The following MORC1 variants were observed in gnomAD, a reference collection of about 807,000 sequenced individuals.
MORC1 encodes the protein MORC family CW-type zinc finger 1.
In MORC1, 59 loss-of-function variants were observed where a neutral mutation model predicts 134.9. The ratio of observed to expected loss-of-function variants is 0.44; its 90% CI spans 0.35 to 0.54. The LOEUF is 0.54. MORC1 is among the 20% of genes least tolerant of loss of function. The probability of loss-of-function intolerance (pLI) is 0.00; values close to 1 mark genes in which losing one functional copy is unlikely to be tolerated. For synonymous variants in MORC1, 395 were observed against 391.7 expected, an observed-to-expected ratio of 1.01 and a Z score of -0.10; for missense variants, 947 against 1,134.5, an observed-to-expected ratio of 0.83 and a Z score of 2.37.
intron 17 of MORC1, among the ~76,000 whole-genome samples, chr3:109,024,065 A>G (rs1347349136): frequency 6.6e-6 from 1 of 152,204 alleles, no homozygotes; most frequent in Non-Finnish European, 1.5e-5. Context: ...TAGTCTATAA[A>G]ATGCACCACA....
intron 21 of MORC1, among the ~76,000 whole-genome samples, chr3:108,990,776 A>T (rs1382835063): frequency 1.5e-5 from 2 of 135,746 alleles, no homozygotes; most frequent in African/African-American, 3.4e-5. Flanking sequence ...AAAAGAAAGT[A>T]AAAAAAAATC....
intron 8 of MORC1, among the ~76,000 whole-genome samples, chr3:109,087,038 T>C (rs1394696420): frequency 6.6e-6 from 1 of 152,038 alleles, no homozygotes; most frequent in Non-Finnish European, 1.5e-5. Context: ...CACTTTTACA[T>C]TGCTTTACCT....
At chr3:109,004,012 G>A (rs905362496) in intron 20 of MORC1, among the ~76,000 whole-genome samples, 3 of 152,122 alleles carry the variant, frequency 2.0e-5, no homozygotes, top group Admixed American at 1.3e-4. Context: ...AGCTTGCAGT[G>A]AGCTGAGATC....
intron 26 of MORC1, among the ~76,000 whole-genome samples, chr3:108,964,749 C>A (rs185909671): frequency 6.6e-6 from 1 of 152,166 alleles, no homozygotes; most frequent in Non-Finnish European, 1.5e-5. Context: ...TGAGATAATA[C>A]AAATGTGCAC....
intron 24 of MORC1, among the ~76,000 whole-genome samples, chr3:108,979,126 G>T (rs948889570): frequency 1.3e-5 from 2 of 151,910 alleles, no homozygotes; most frequent in African/African-American, 4.8e-5. Context: ...AACAAAACAA[G>T]TAAAACTCAA....
At chr3:109,073,416 A>AGT (rs1559937046) in intron 8 of MORC1, among the ~76,000 whole-genome samples, 1 of 151,592 alleles carries the variant, frequency 6.6e-6, no homozygotes, top group Admixed American at 6.6e-5. Context: ...TGCCACTTTG[A>AGT]TTGGACACCA....
chr3:109,006,561 A>AGT (rs1248836496), intron 18 of MORC1, among the ~76,000 whole-genome samples: 5 of 152,210 alleles, frequency 3.3e-5, no homozygotes, highest in African/African-American at 4.8e-5. Flanking sequence ...TGTGACTGAT[A>AGT]TAACTGAGAA....
At chr3:109,009,246 A>G (rs1355519053) in intron 17 of MORC1, among the ~76,000 whole-genome samples, 1 of 131,298 alleles carries the variant, frequency 7.6e-6, no homozygotes, top group African/African-American at 2.9e-5. Flanking sequence ...TTGCTCTGTC[A>G]CCAGGCTGGA....
intron 3 of MORC1, among the ~76,000 whole-genome samples, chr3:109,107,942 T>C (rs1414671348): frequency 6.6e-6 from 1 of 152,160 alleles, no homozygotes; most frequent in Non-Finnish European, 1.5e-5. Context: ...ATGCCAGTAA[T>C]CCCAGCACTT....
At chr3:109,083,917 C>A (rs1201902889) in intron 8 of MORC1, among the ~76,000 whole-genome samples, 1 of 152,122 alleles carries the variant, frequency 6.6e-6, no homozygotes, top group East Asian at 1.9e-4. Flanking sequence ...ACCCTAGGAT[C>A]ATTTCAATTG....
chr3:109,069,797 C>A (rs779078344), intron 8 of MORC1, 40 bp from the exon 9 acceptor site: 4 of 1,557,696 alleles, frequency 2.6e-6, no homozygotes, highest in African/African-American at 2.7e-5. Flanking sequence ...ACAGAGGACA[C>A]AACAACTACA....
At chr3:109,064,364 C>T (rs764553825) in intron 9 of MORC1, among the ~76,000 whole-genome samples, 21 of 152,022 alleles carry the variant, frequency 1.4e-4, no homozygotes, top group Admixed American at 2.6e-4. Context: ...TAGAACCCTT[C>T]TCCATCAAGA....
At chr3:109,111,066 A>AC (rs1208531622) in intron 2 of MORC1, among the ~76,000 whole-genome samples, 1 of 150,038 alleles carries the variant, frequency 6.7e-6, no homozygotes, top group African/African-American at 2.5e-5. Flanking sequence ...AAAAAAAAAA[A>AC]AACAAAAAAA....
intron 4 of MORC1, among the ~76,000 whole-genome samples, chr3:109,102,123 C>T (rs938353790): frequency 6.6e-5 from 10 of 152,052 alleles, no homozygotes; most frequent in African/African-American, 2.2e-4. Flanking sequence ...CAGGGTAATG[C>T]GATAGAGAAT....
chr3:108,993,805 T>C (rs565570407), intron 21 of MORC1, among the ~76,000 whole-genome samples: 1 of 152,334 alleles, frequency 6.6e-6, no homozygotes, highest in South Asian at 2.1e-4. Context: ...TTTTATCTGC[T>C]TTTAGGTTAC....
chr3:109,013,174 G>A (rs1012118425), intron 17 of MORC1, among the ~76,000 whole-genome samples: 5 of 151,996 alleles, frequency 3.3e-5, no homozygotes, highest in Non-Finnish European at 7.4e-5. Context: ...TTTTCTTGCA[G>A]TATTTTATTT....
At chr3:108,972,084 C>T (rs1322056346) in intron 24 of MORC1, among the ~76,000 whole-genome samples, 2 of 152,186 alleles carry the variant, frequency 1.3e-5, no homozygotes, top group African/African-American at 4.8e-5. Flanking sequence ...TCCAAGACTA[C>T]TCTTAGAAAT....
At chr3:109,085,454 C>G (rs1329462264) in intron 8 of MORC1, among the ~76,000 whole-genome samples, 2 of 152,008 alleles carry the variant, frequency 1.3e-5, no homozygotes, top group African/African-American at 4.8e-5. Context: ...GCAAAAGACC[C>G]GAATAGACAT....
At chr3:108,994,093 G>A (rs1203974948) in intron 21 of MORC1, among the ~76,000 whole-genome samples, 3 of 152,066 alleles carry the variant, frequency 2.0e-5, no homozygotes, top group Non-Finnish European at 4.4e-5. Context: ...AGGTACAACT[G>A]GTAAATGACT....
Sources: allele counts gnomAD v4.1 joint callset (sites outside exome capture counted in the v4.1 genomes callset), GRCh38; gene constraint gnomAD v4.1.1; transcripts MANE v1.5; gene names NCBI Gene and HGNC (gene_info 2026-07-23, HGNC 2026-07-21).